The following CADPS variants were observed in gnomAD, a reference collection of about 807,000 sequenced individuals.
The protein encoded by CADPS is calcium-dependent secretion activator 1.
A neutral mutation model predicts 167.3 loss-of-function variants in CADPS; 57 were observed. The observed-to-expected ratio is 0.34, with a 90% CI of 0.28 to 0.42. The LOEUF (loss-of-function observed/expected upper bound fraction) is 0.42. CADPS is among the 20% of genes least tolerant of loss of function. The pLI is 1.00. For synonymous variants in CADPS, 676 were observed against 635.3 expected, an observed-to-expected ratio of 1.06 and a Z score of -0.96; for missense variants, 1,414 against 1,738.1, an observed-to-expected ratio of 0.81 and a Z score of 3.32.
chr3:62,557,836 T>C (rs1323142324), intron 9 of CADPS, among the ~76,000 whole-genome samples: 7 of 152,208 alleles, frequency 4.6e-5, no homozygotes, highest in African/African-American at 1.7e-4. Context: ...TCATTATTGC[T>C]TTTAATATAA....
chr3:62,590,351 G>A (rs2085671145), intron 7 of CADPS, among the ~76,000 whole-genome samples: 1 of 152,062 alleles, frequency 6.6e-6, no homozygotes, highest in African/African-American at 2.4e-5. Flanking sequence ...TGCCTTACTG[G>A]AAAAGGAGAA....
intron 3 of CADPS, among the ~76,000 whole-genome samples, chr3:62,672,988 C>A (rs1192192795): frequency 1.3e-5 from 2 of 152,160 alleles, no homozygotes; most frequent in Non-Finnish European, 2.9e-5. Flanking sequence ...CCTTAGGGGC[C>A]TTCTTGGTCT....
chr3:62,619,703 C>T (rs2062865657), intron 6 of CADPS, among the ~76,000 whole-genome samples: 1 of 152,148 alleles, frequency 6.6e-6, no homozygotes, highest in Admixed American at 6.5e-5. Flanking sequence ...TATGTCCCAT[C>T]CGCCTCTTTG....
chr3:62,544,761 A>G lies in CADPS; in HGVS notation c.1966+5142T>C. On this transcript the variant is annotated intron_variant, in intron 11 of 29. Coordinates refer to ENST00000383710, the MANE Select transcript of CADPS (RefSeq NM_003716.4). This position sits in a 1 kb window ranked among gnomAD's most constrained non-coding sequence, Gnocchi z 4.4. ...GTACTACAAATTCTAGACATGAGGA[A>G]GATTTAAGGGGGAGGGAAGCACATT... The G allele has an allele frequency of 3.5e-6, 2 of 577,150 alleles. No individual in the cohort carries two copies. Among genetic ancestry groups the G allele is most frequent in the Non-Finnish European group, 2.3e-6 (1 of 429,154 alleles). The allele number at this position is 577,150 out of a possible 1,614,324, so 35.8% of individuals were successfully genotyped here. A position where few individuals can be genotyped will look rare whatever the true frequency, so the allele number is the denominator to read the frequency against.
At chr3:62,840,088 A>G (rs567772884) in intron 1 of CADPS, among the ~76,000 whole-genome samples, 21 of 152,202 alleles carry the variant, frequency 1.4e-4, no homozygotes, top group Non-Finnish European at 2.1e-4. Flanking sequence ...GATCATGTTC[A>G]TGGACTGCTT....
chr3:62,777,819 G>A (rs1041765481), intron 1 of CADPS, among the ~76,000 whole-genome samples: 1 of 152,176 alleles, frequency 6.6e-6, no homozygotes, highest in African/African-American at 2.4e-5. Context: ...AGCATGCCCA[G>A]GGAAGAACAG....
chr3:62,780,602 C>T (rs1461427561), intron 1 of CADPS, among the ~76,000 whole-genome samples: 1 of 152,154 alleles, frequency 6.6e-6, no homozygotes, highest in Non-Finnish European at 1.5e-5. Flanking sequence ...TGAAGCTAGA[C>T]ATTCATTAAC....
intron 28 of CADPS, among the ~76,000 whole-genome samples, chr3:62,418,487 A>ATTTTTTTTTTTTTTTTTTTTTTTTTTTTT (rs5849477): frequency 1.1e-5 from 1 of 88,864 alleles, no homozygotes; most frequent in Non-Finnish European, 2.1e-5. Flanking sequence ...ACCATGCCCT[A>ATTTTTTTTTTTTTTTTTTTTTTTTTTTTT]TTTTTTTTTT....
At chr3:62,566,531 T>C (rs1314134935) in intron 9 of CADPS, among the ~76,000 whole-genome samples, 1 of 152,200 alleles carries the variant, frequency 6.6e-6, no homozygotes, top group African/African-American at 2.4e-5. Context: ...AAAGGGAGTG[T>C]GTTTTTTTCT....
chr3:62,589,157 G>T (rs1013883566), intron 7 of CADPS, among the ~76,000 whole-genome samples: 5 of 152,072 alleles, frequency 3.3e-5, no homozygotes, highest in Non-Finnish European at 1.5e-5. Flanking sequence ...TAAATGTAAC[G>T]CCAGGATTCT....
At chr3:62,425,715 C>A (rs1277463102) in intron 28 of CADPS, among the ~76,000 whole-genome samples, 1 of 152,112 alleles carries the variant, frequency 6.6e-6, no homozygotes, top group African/African-American at 2.4e-5. Flanking sequence ...TGAAGCCATC[C>A]TTTGTTTAAA....
At chr3:62,770,741 C>T (rs1489117660) in intron 1 of CADPS, among the ~76,000 whole-genome samples, 1 of 152,164 alleles carries the variant, frequency 6.6e-6, no homozygotes, top group African/African-American at 2.4e-5. Flanking sequence ...AAGAGATTCT[C>T]ACAAACTAAA....
At chr3:62,816,528 A>G (rs1221693152) in intron 1 of CADPS, among the ~76,000 whole-genome samples, 1 of 152,078 alleles carries the variant, frequency 6.6e-6, no homozygotes, top group Non-Finnish European at 1.5e-5. Flanking sequence ...GAGAAAACAC[A>G]TTACTCCATG....
rs188801976 is a variant in CADPS, at chr3:62,670,907, T to C, written c.889-8513A>G. Among the ~76,000 whole-genome samples, 45 of 152,286 alleles carry C rather than the reference T, an allele frequency of 3.0e-4. No homozygotes were observed. The South Asian group carries it at 3.7e-3, about 13-fold the overall frequency. On this transcript the variant is annotated intron_variant, in intron 3 of 29. Coordinates refer to ENST00000383710, the MANE Select transcript of CADPS (RefSeq NM_003716.4). ...ATCAACCCACTTTTATAGGAATTGC[T>C]AGCAAGCTTTCTATGTGCCCTGTGC...
intron 11 of CADPS, among the ~76,000 whole-genome samples, chr3:62,537,547 T>A (rs9311842): frequency 0.73 from 110,998 of 152,054 alleles, 41,156 homozygotes; most frequent in Middle Eastern, 0.88. Flanking sequence ...TACGCAGACT[T>A]TGGAGAAAAA....
intron 5 of CADPS, among the ~76,000 whole-genome samples, chr3:62,649,064 T>G (rs1390766790): frequency 6.6e-6 from 1 of 152,204 alleles, no homozygotes; most frequent in African/African-American, 2.4e-5. Context: ...CAGGCTTTAA[T>G]GATGTTTTAG....
intron 1 of CADPS, among the ~76,000 whole-genome samples, chr3:62,821,859 G>C: frequency 6.6e-6 from 1 of 152,146 alleles, no homozygotes; most frequent in East Asian, 1.9e-4. Context: ...GGACTCTTAT[G>C]TGGAAGCTGT....
At chr3:62,541,528 T>A (rs1467140103) in intron 11 of CADPS, among the ~76,000 whole-genome samples, 1 of 152,128 alleles carries the variant, frequency 6.6e-6, no homozygotes, top group East Asian at 1.9e-4. Flanking sequence ...ACATACAGAC[T>A]TACGGAGAGC....
intron 2 of CADPS, among the ~76,000 whole-genome samples, chr3:62,760,552 T>G (rs2085148394): frequency 1.3e-5 from 2 of 152,050 alleles, no homozygotes; most frequent in Non-Finnish European, 2.9e-5. Context: ...GCACCTGGCC[T>G]TGGACACTAA....
Sources: allele counts gnomAD v4.1 joint callset (sites outside exome capture counted in the v4.1 genomes callset), GRCh38; gene constraint gnomAD v4.1.1; non-coding constraint Gnocchi (gnomAD v3.1); transcripts MANE v1.5; gene names NCBI Gene and HGNC (gene_info 2026-07-23, HGNC 2026-07-21).